Variants in PMEL observed in about 807,000 individuals in gnomAD.
PMEL encodes the protein melanocyte protein PMEL.
A neutral mutation model predicts 64.9 loss-of-function variants in PMEL; 53 were observed. The observed-to-expected ratio is 0.82, with a 90% CI of 0.66 to 1.03. The LOEUF is 1.03. Among genes scored for constraint, PMEL ranks in the 50% least tolerant of loss-of-function variants. The probability of loss-of-function intolerance (pLI) is 0.00; values close to 1 mark genes in which losing one functional copy is unlikely to be tolerated. For missense variants in PMEL, 716 were observed against 814.9 expected (o/e 0.88, Z 1.48); for synonymous variants, 299 against 316.2 (o/e 0.95, Z 0.58).
Position 55,960,537 on chromosome 12 carries a change from G to GTTTTTTTT in PMEL, c.334+772_334+779dup, listed in dbSNP as rs760692409. Among the ~76,000 whole-genome samples, 432 of 97,292 alleles carry GTTTTTTTT rather than the reference G, an allele frequency of 4.4e-3. 36 individuals are homozygous for GTTTTTTTT. The highest frequency in any genetic ancestry group is 0.019 in the African/African-American group (411 of 22,140). The allele number at this position is 97,292 out of a possible 152,430, so 63.8% of individuals were successfully genotyped here. A position where few individuals can be genotyped will look rare whatever the true frequency, so the allele number is the denominator to read the frequency against. ...TAATTTTCTTTTCTTTTTGCTTTCT[G>GTTTTTTTT]TTTTTTTTTTTTTTTTTTTTTTTGA... On this transcript the variant is annotated intron_variant, in intron 3 of 10. Transcript: ENST00000548747.
At chr12:55,961,886 G>C (rs1889116798) in intron 1 of PMEL, among the ~76,000 whole-genome samples, 154 bp from the exon 2 acceptor site, 1 of 150,308 alleles carries the variant, frequency 6.7e-6, no homozygotes, top group African/African-American at 2.5e-5. Flanking sequence ...GCCCAGGCTG[G>C]AGTGCAATGG....
chr12:55,965,526 G>A (rs577337340), intron 1 of PMEL, among the ~76,000 whole-genome samples: 6 of 151,558 alleles, frequency 4.0e-5, no homozygotes, highest in African/African-American at 1.2e-4. Flanking sequence ...GTGTTCACCC[G>A]TACCCATCCC....
Position 55,959,386 on chromosome 12 carries a change from A to AAAATAAATAAATAAAT in PMEL, c.335-795_335-780dup, listed in dbSNP as rs200660768. Among the ~76,000 whole-genome samples the AAAATAAATAAATAAAT allele has an allele frequency of 4.6e-3, 690 of 150,076 alleles. 12 individuals carry two copies. Among genetic ancestry groups the AAAATAAATAAATAAAT allele is most frequent in the African/African-American group, 0.017 (667 of 40,046 alleles). ...GGAGAGAGAGAAGGACCCCGACTTT[A>AAAATAAATAAATAAAT]AAATAAATAAATAAATAAATAAATA... On this transcript the variant is annotated intron_variant, in intron 3 of 10. Coordinates refer to ENST00000548747, the MANE Select transcript of PMEL (RefSeq NM_001384361.1).
rs1246622199 is a variant in PMEL, at chr12:55,956,207, G to T, written c.1367C>A (p.Pro456His). The T allele has an allele frequency of 6.2e-7, 1 of 1,612,518 alleles. No individual in the cohort carries two copies. The highest frequency in any genetic ancestry group is 2.2e-5 in the East Asian group (1 of 44,884). ...STESITGSLGPLLDGTATLRL... is the reference protein window; with the variant it reads ...STESITGSLGHLLDGTATLRL... ...TAAGGTGGCTGTACCATCCAGCAGG[G>T]GGCCCAGGGAACCTGGCAGGAGAGG... is the stretch of plus-strand genomic sequence containing the variant. Residue 456 changes from proline (P) to histidine (H), a missense_variant, in exon 7 of 11, where the codon CCC (proline) becomes CAC (histidine). Coordinates refer to ENST00000548747, the MANE Select transcript of PMEL (RefSeq NM_001384361.1).
In PMEL at chr12:55,957,481, A is replaced by T. The variant is rs1376895077; in HGVS notation, c.822T>A (p.Leu274=). 6.2e-7 allele frequency: 1 copy of T among 1,613,882 alleles called. No homozygotes were observed. The highest frequency in any genetic ancestry group is 8.5e-7 in the Non-Finnish European group (1 of 1,180,000). The part of the protein sequence containing the change: ...DSSGTLISRA[L]VVTHTYLEPG... ...GCTCCAGGTAAGTATGAGTGACCACAAGTGCCCGAGAGATCAGGGTTCCAC... is the reference window on the plus strand; with the variant it reads ...GCTCCAGGTAAGTATGAGTGACCACTAGTGCCCGAGAGATCAGGGTTCCAC... The change falls in exon 6 of 11, where the codon CTT becomes CTA. Residue 274 remains leucine (L), a synonymous_variant. Coordinates refer to ENST00000548747, the MANE Select transcript of PMEL (RefSeq NM_001384361.1).
rs757745778 is a variant in PMEL at position 55,955,821 on chromosome 12, C to T, written c.1514G>A (p.Gly505Asp). 1.7e-5 allele frequency: 27 copies of T among 1,614,080 alleles called. No individual in the cohort carries two copies. Among genetic ancestry groups the T allele is most frequent in the Non-Finnish European group, 1.8e-5 (21 of 1,180,036 alleles). ...SAEILQAVPS[G>D]EGDAFELTVS... ...AGTCAGCTCAAATGCATCCCCCTCA[C>T]CGGACGGCACAGCCTGCAGGATCTC... is the stretch of plus-strand genomic sequence containing the variant. The change falls in exon 8 of 11, where the codon GGT (glycine) becomes GAT (aspartate). Residue 505 changes from glycine (G) to aspartate (D), a missense_variant. Coordinates refer to ENST00000548747, the MANE Select transcript of PMEL (RefSeq NM_001384361.1).
At chr12:55,958,768 G>C in intron 3 of PMEL, 161 bp from the exon 4 acceptor site, 1 of 712,242 alleles carries the variant, frequency 1.4e-6, no homozygotes. Flanking sequence ...GTAGTTGGGG[G>C]TTGAGGGTGT....
chr12:55,963,289 G>T (rs1467343542), intron 1 of PMEL, among the ~76,000 whole-genome samples: 2 of 152,192 alleles, frequency 1.3e-5, no homozygotes, highest in African/African-American at 4.8e-5. Flanking sequence ...CAAAATTATT[G>T]TAACTGACCA....
chr12:55,958,762 T>G (rs763813013), intron 3 of PMEL, 155 bp from the exon 4 acceptor site: 5 of 760,070 alleles, frequency 6.6e-6, no homozygotes, highest in Admixed American at 3.0e-5. Flanking sequence ...GGGGTGGTAG[T>G]TGGGGGTTGA....
chr12:55,966,583 G>T, upstream of PMEL: 1 of 644,684 alleles, frequency 1.6e-6, no homozygotes, highest in Non-Finnish European at 2.0e-6. Context: ...TAGAGACATA[G>T]GTAGGAAACT....
At chr12:55,960,544 T>TG (rs1565776227) in intron 3 of PMEL, among the ~76,000 whole-genome samples, 1 of 137,394 alleles carries the variant, frequency 7.3e-6, no homozygotes. Flanking sequence ...TCTGTTTTTT[T>TG]TTTTTTTTTT....
rs1889105967 is a variant in PMEL at position 55,961,641 on chromosome 12, C to T, written c.168G>A (p.Gln56=). The T allele has an allele frequency of 6.2e-7, 1 of 1,613,932 alleles. No homozygotes were observed. The highest frequency in any genetic ancestry group is 1.1e-5 in the South Asian group (1 of 91,062). Residue 56 remains glutamine (Q), a synonymous_variant, in exon 2 of 11, where the codon CAG becomes CAA. Transcript: ENST00000548747. ...TCCTACCTCTCCAGCAGTCAAGTCT[C>T]TGGGCTTCTGTCCACTCTGGATACA... ...RQLYPEWTEA[Q]RLDCWRGGQV...
intron 1 of PMEL, among the ~76,000 whole-genome samples, chr12:55,961,977 C>T (rs981911076): frequency 6.6e-6 from 1 of 151,898 alleles, no homozygotes; most frequent in Non-Finnish European, 1.5e-5. Flanking sequence ...GCTGGGATTA[C>T]AGGCATGTGC....
At chr12:55,966,443 A>G (rs1889305183), upstream of PMEL, 1 of 188,206 alleles carries the variant, frequency 5.3e-6, no homozygotes, top group Non-Finnish European at 1.1e-5. Flanking sequence ...ATTCCTTTGC[A>G]ACGAGATTCC....
chr12:55,961,120 G>A lies in PMEL; in HGVS notation c.334+197C>T, dbSNP rs370846894. 1.1e-3 allele frequency: 554 copies of A among 497,192 alleles called. 2 individuals carry two copies. The Middle Eastern group carries it at 0.018, about 16-fold the overall frequency. The allele number at this position is 497,192 out of a possible 1,614,324, so 30.8% of individuals were successfully genotyped here. ...CTCGGGAGGCTGAGGCAGGAGAATG[G>A]CGTGAACCCGGGAGGCAGAGCTTGC... On this transcript the variant is annotated intron_variant, in intron 3 of 10. Coordinates refer to ENST00000548747, the MANE Select transcript of PMEL (RefSeq NM_001384361.1).
chr12:55,959,049 G>A (rs1425133680), intron 3 of PMEL, among the ~76,000 whole-genome samples: 1 of 151,184 alleles, frequency 6.6e-6, no homozygotes, highest in African/African-American at 2.4e-5. Flanking sequence ...CGAAGTGCTG[G>A]GTTTACAGGC....
At chr12:55,955,079 C>G (rs1483667201) in intron 10 of PMEL, among the ~76,000 whole-genome samples, 195 bp downstream of exon 10, 1 of 152,200 alleles carries the variant, frequency 6.6e-6, no homozygotes, top group Non-Finnish European at 1.5e-5. Context: ...TTTTCAGAGG[C>G]TTAGACAGGT....
intron 3 of PMEL, 159 bp from the exon 4 acceptor site, chr12:55,958,766 G>C: frequency 1.4e-6 from 1 of 724,162 alleles, no homozygotes; most frequent in East Asian, 2.8e-5. Flanking sequence ...TGGTAGTTGG[G>C]GGTTGAGGGT....
rs2069390 is a variant in PMEL, at chr12:55,965,861, A to T, written c.76+75T>A. 24 of 1,569,962 alleles carry T rather than the reference A, an allele frequency of 1.5e-5. No individual in the cohort carries two copies. In the African/African-American group the frequency reaches 3.1e-4, roughly 20 times the overall value. ...TGAAATATTGCCGCTATCTCCCATT[A>T]GGAGGACAGAAACCAGAGCAGGGGG... On this transcript the variant is annotated intron_variant, in intron 1 of 10. Transcript: ENST00000548747.
Sources: gnomAD v4.1 joint callset for allele counts (sites outside exome capture counted in the v4.1 genomes callset) on GRCh38, gnomAD v4.1.1 for gene constraint, MANE v1.5 for transcripts, NCBI Gene and HGNC (gene_info 2026-07-23, HGNC 2026-07-21) for gene names.